The following NOL10 variants were observed in gnomAD, a reference collection of about 807,000 sequenced individuals.
NOL10 encodes the protein H_NH0074G24.1.
NOL10 carries 58 observed loss-of-function variants against 103.5 expected under a neutral mutation model. That is an observed-to-expected ratio of 0.56 (90% CI 0.45 to 0.70). The LOEUF is 0.70. NOL10 is among the 30% of genes least tolerant of loss of function. The probability of loss-of-function intolerance (pLI) is 0.00; values close to 1 mark genes in which losing one functional copy is unlikely to be tolerated. For missense variants in NOL10, 763 were observed against 807.3 expected (o/e 0.95, Z 0.67); for synonymous variants, 287 against 282.5 (o/e 1.02, Z -0.16).
At chr2:10,599,782 T>C (rs1278518132) in intron 17 of NOL10, among the ~76,000 whole-genome samples, 1 of 152,162 alleles carries the variant, frequency 6.6e-6, no homozygotes, top group African/African-American at 2.4e-5. Context: ...GCTCTAAGAA[T>C]GCCCATATCC....
Position 10,668,686 on chromosome 2 carries a change from A to C in NOL10, c.502T>G (p.Tyr168Asp), listed in dbSNP as rs1045084312. Residue 168 changes from tyrosine (Y) to aspartate (D), a missense_variant, in exon 7 of 21, where the codon TAC (tyrosine) becomes GAC (aspartate). Tyr to Asp is a radical substitution (Grantham distance 160). Transcript: ENST00000381685. ...VYRLNLEQGR[Y>D]LNPLQTDAAE... ...GCATCAGTTTGTAGAGGATTCAGGT[A>C]TCGTCCTTGTTCTAAGTTTAACCTA... 6.5e-7 allele frequency: 1 copy of C among 1,547,446 alleles called. No individual in the cohort carries two copies. Among genetic ancestry groups the C allele is most frequent in the Non-Finnish European group, 8.8e-7 (1 of 1,136,432 alleles).
chr2:10,618,498 T>C (rs1431809809), intron 13 of NOL10, among the ~76,000 whole-genome samples: 1 of 152,250 alleles, frequency 6.6e-6, no homozygotes, highest in Non-Finnish European at 1.5e-5. Flanking sequence ...ACTATTTCTA[T>C]ACCATAAGCG....
Position 10,575,923 on chromosome 2 carries a change from T to G in NOL10, c.1947+1713A>C, listed in dbSNP as rs142536920. Reference sequence around the variant, plus strand: ...GTATTTGGCTTACGTAAGTGATAAATGTAAGAGGGCAAATTTGCTCTCAGC... The same window carrying G: ...GTATTTGGCTTACGTAAGTGATAAAGGTAAGAGGGCAAATTTGCTCTCAGC... On this transcript the variant is annotated intron_variant, in intron 20 of 20. Transcript: ENST00000381685. Among the ~76,000 whole-genome samples the G allele has an allele frequency of 3.3e-5, 5 of 152,216 alleles. 1 individual carries two copies. The highest frequency in any genetic ancestry group is 3.3e-4 in the Admixed American group (5 of 15,288).
intron 13 of NOL10, among the ~76,000 whole-genome samples, chr2:10,618,286 T>C (rs921705325): frequency 5.9e-5 from 9 of 152,110 alleles, no homozygotes; most frequent in Non-Finnish European, 1.0e-4. Flanking sequence ...TCTCCTTAGT[T>C]TCCTTTAATG....
Position 10,607,207 on chromosome 2 carries a change from G to A in NOL10, c.1131C>T (p.Thr377=), listed in dbSNP as rs1223567266. 4 of 1,572,400 alleles carry A rather than the reference G, an allele frequency of 2.5e-6. No individual in the cohort carries two copies. The African/African-American group carries it at 5.5e-5, about 21-fold the overall frequency. Reference sequence around the variant, plus strand: ...TACCTAAATTTTCAAGGTCTTTCTTGGTGACAAATTTATAATCATCATAGA... The same window carrying A: ...TACCTAAATTTTCAAGGTCTTTCTTAGTGACAAATTTATAATCATCATAGA... ...STVYDDYKFV[T]KKDLENLGLT... The change falls in exon 14 of 21, where the codon ACC becomes ACT. Residue 377 remains threonine (T), a synonymous_variant. Coordinates refer to ENST00000381685, the MANE Select transcript of NOL10 (RefSeq NM_024894.4).
intron 14 of NOL10, among the ~76,000 whole-genome samples, chr2:10,605,917 G>A (rs1012101147): frequency 1.3e-5 from 2 of 152,156 alleles, no homozygotes; most frequent in Non-Finnish European, 2.9e-5. Flanking sequence ...TTAATCTAAT[G>A]GTAACATGAT....
rs1413315383 is a variant in NOL10, at chr2:10,603,159, T to C, written c.1154-2A>G. ...GAGATCCAATGAGGTGGGTGAGCCC[T>C]GGGAAAGGTCAAACAGAAGACAGCA... On this transcript the variant is annotated splice_acceptor_variant, in intron 14 of 20. Transcript: ENST00000381685. LOFTEE classifies it high-confidence loss of function. 1 of 1,609,030 alleles carries C rather than the reference T, an allele frequency of 6.2e-7. No homozygotes were observed. Among genetic ancestry groups the C allele is most frequent in the Non-Finnish European group, 8.5e-7 (1 of 1,177,200 alleles).
At chr2:10,589,909 T>G in intron 17 of NOL10, 158 bp from the exon 18 acceptor site, 3 of 458,092 alleles carry the variant, frequency 6.5e-6, no homozygotes, top group Non-Finnish European at 1.1e-5. Flanking sequence ...ACTTTCAACG[T>G]GCCCCTAGGT....
chr2:10,645,532 CTTTT>C (rs33945473), intron 12 of NOL10, among the ~76,000 whole-genome samples: 9 of 131,694 alleles, frequency 6.8e-5, no homozygotes, highest in Admixed American at 7.9e-5. Flanking sequence ...TCAATACTAT[CTTTT>C]TTTTTTTTTT....
At chr2:10,623,431 C>A (rs1165844422) in intron 13 of NOL10, among the ~76,000 whole-genome samples, 3 of 152,154 alleles carry the variant, frequency 2.0e-5, no homozygotes, top group African/African-American at 7.2e-5. Context: ...ACCATCACTG[C>A]CTAATTCCTG....
At chr2:10,675,649 G>T (rs1224900929) in intron 4 of NOL10, 145 bp downstream of exon 4, 2 of 550,100 alleles carry the variant, frequency 3.6e-6, no homozygotes, top group East Asian at 5.9e-5. Flanking sequence ...CTACTAAATG[G>T]ATGTTTTAAG....
chr2:10,659,345 G>GC (rs1008545363), intron 9 of NOL10, 95 bp from the exon 10 acceptor site: 32 of 353,770 alleles, frequency 9.0e-5, no homozygotes, highest in South Asian at 2.1e-4. Context: ...ATCTAATGGG[G>GC]GGGGGGGGGA....
chr2:10,577,347 A>T (rs1674505564), intron 20 of NOL10, among the ~76,000 whole-genome samples: 3 of 152,336 alleles, frequency 2.0e-5, no homozygotes, highest in African/African-American at 7.2e-5. Flanking sequence ...GCTACAGAGC[A>T]ATCCAGAAAC....
chr2:10,598,566 A>G (rs539308061), intron 17 of NOL10, among the ~76,000 whole-genome samples: 1 of 152,232 alleles, frequency 6.6e-6, no homozygotes, highest in East Asian at 1.9e-4. Context: ...AGCTGTGACA[A>G]GAAGAAGAAA....
chr2:10,680,509 C>T (rs1482718798), intron 3 of NOL10, among the ~76,000 whole-genome samples: 1 of 152,176 alleles, frequency 6.6e-6, no homozygotes, highest in Non-Finnish European at 1.5e-5. Context: ...AGTACTAGAT[C>T]TGTGAGCCTA....
intron 6 of NOL10, among the ~76,000 whole-genome samples, 162 bp from the exon 7 acceptor site, chr2:10,668,885 T>C (rs1318123736): frequency 6.6e-6 from 1 of 152,156 alleles, no homozygotes; most frequent in African/African-American, 2.4e-5. Context: ...CTTTATGAAT[T>C]TGTTCATGTA....
At chr2:10,656,975 A>C (rs1170049486) in intron 11 of NOL10, among the ~76,000 whole-genome samples, 2 of 152,226 alleles carry the variant, frequency 1.3e-5, no homozygotes, top group Non-Finnish European at 2.9e-5. Context: ...GTTACATTTC[A>C]AATGACATTT....
At chr2:10,637,719 A>G (rs923940420) in intron 13 of NOL10, among the ~76,000 whole-genome samples, 14 of 152,174 alleles carry the variant, frequency 9.2e-5, no homozygotes, top group Admixed American at 9.2e-4. Flanking sequence ...GCTTCTTAAC[A>G]CATAGTGTCC....
At chr2:10,618,043 TTTTTTTC>T (rs1232857831) in intron 13 of NOL10, among the ~76,000 whole-genome samples, 1 of 150,106 alleles carries the variant, frequency 6.7e-6, no homozygotes, top group Non-Finnish European at 1.5e-5. Flanking sequence ...TGTTTTTTTT[TTTTTTTC>T]TTTTTTATTT....
Sources: allele counts gnomAD v4.1 joint callset (sites outside exome capture counted in the v4.1 genomes callset), GRCh38; gene constraint gnomAD v4.1.1; transcripts MANE v1.5; gene names NCBI Gene and HGNC (gene_info 2026-07-23, HGNC 2026-07-21).